The following PROM1 variants were observed in gnomAD, a reference collection of about 807,000 sequenced individuals.
PROM1 encodes prominin 1, also known as prominin-1.
A neutral mutation model predicts 116.9 loss-of-function variants in PROM1; 105 were observed. The ratio of observed to expected loss-of-function variants is 0.90; its 90% CI spans 0.77 to 1.06. The LOEUF is 1.06. PROM1 is among the 50% of genes least tolerant of loss of function. The pLI is 0.00. For synonymous variants in PROM1, 393 were observed against 387.0 expected (o/e 1.02, Z -0.18); for missense variants, 1,122 against 1,045.2 (o/e 1.07, Z -1.01).
At chr4:16,006,436 T>C (rs915611164) in intron 13 of PROM1, 102 bp downstream of exon 13, 167 of 1,350,348 alleles carry the variant, frequency 1.2e-4, no homozygotes, top group Middle Eastern at 2.7e-4. Flanking sequence ...GAACCCCGCG[T>C]ACGTGGCCCA....
rs2149336811 is a variant in PROM1, at chr4:16,024,316, T to G, written c.673A>C (p.Lys225Gln). The change falls in exon 7 of 28, where the codon AAG becomes CAG. Residue 225 changes from lysine to glutamine, a missense_variant. Coordinates refer to ENST00000447510, the MANE Select transcript of PROM1 (RefSeq NM_006017.3). ...ILAQYNTTKDKAFTDLNSINS... is the reference protein window; with the variant it reads ...ILAQYNTTKDQAFTDLNSINS... ...TCACTGTTCAGATCTGTGAACGCCT[T>G]GTCCTTGGTAGTGTTGTACTGGGCC... 1 of 1,613,724 alleles carries G rather than the reference T, an allele frequency of 6.2e-7. No homozygotes were observed. The highest frequency in any genetic ancestry group is 8.5e-7 in the Non-Finnish European group (1 of 1,179,718).
rs1239478035 is a variant in PROM1, at chr4:16,016,163, T to A, written c.1077+3A>T. 7.1e-6 allele frequency: 11 copies of A among 1,552,148 alleles called. No homozygotes were observed. In the Admixed American group the frequency reaches 7.8e-5, roughly 11 times the overall value. ...AGTGATTGTATTTTTTCCAAAAGCA[T>A]ACCTGTTGGACCAGGCCATCCAAAT... On this transcript the variant is annotated splice_donor_region_variant and intron_variant, in intron 10 of 27. Transcript: ENST00000447510.
At chr4:15,970,197 A>C in intron 27 of PROM1, among the ~76,000 whole-genome samples, 3 of 140,144 alleles carry the variant, frequency 2.1e-5, no homozygotes, top group South Asian at 2.3e-4. Context: ...ATGGAGTCTC[A>C]CTCTGTTGCC....
chr4:15,979,353 G>A (rs1359992326), intron 26 of PROM1, 42 bp downstream of exon 26: 3 of 1,613,146 alleles, frequency 1.9e-6, no homozygotes, highest in Middle Eastern at 1.7e-4. Flanking sequence ...AGATGAGACG[G>A]TTTATCATAG....
chr4:15,981,520 C>T (rs1440080228), intron 23 of PROM1, among the ~76,000 whole-genome samples: 3 of 151,120 alleles, frequency 2.0e-5, no homozygotes, highest in African/African-American at 4.9e-5. Context: ...TGCAGTGAAC[C>T]GAGATTGCAC....
intron 3 of PROM1, among the ~76,000 whole-genome samples, chr4:16,036,746 C>T (rs1388835249): frequency 2.0e-5 from 3 of 152,192 alleles, no homozygotes; most frequent in South Asian, 2.1e-4. Flanking sequence ...TCAGGGGGAA[C>T]CAACCCAACA....
At chr4:15,986,838 T>G (rs1719539857) in intron 20 of PROM1, among the ~76,000 whole-genome samples, 1 of 152,164 alleles carries the variant, frequency 6.6e-6, no homozygotes. Context: ...AGGAGGAACA[T>G]TTAGTTTTAT....
At chr4:16,019,477 C>T (rs1729262194) in intron 8 of PROM1, among the ~76,000 whole-genome samples, 1 of 152,202 alleles carries the variant, frequency 6.6e-6, no homozygotes, top group African/African-American at 2.4e-5. Context: ...ACAATGTTTT[C>T]AGTTCACCAT....
intron 8 of PROM1, 109 bp downstream of exon 8, chr4:16,023,217 T>C (rs1030681223): frequency 2.6e-5 from 24 of 937,820 alleles, no homozygotes; most frequent in Non-Finnish European, 4.0e-5. Context: ...CCACGGACGG[T>C]GGCTCTCCCC....
At chr4:15,979,496 T>A (rs748786197) in intron 25 of PROM1, 33 bp from the exon 26 acceptor site, 1 of 1,586,830 alleles carries the variant, frequency 6.3e-7, no homozygotes, top group Non-Finnish European at 8.6e-7. Context: ...AAAAACACCA[T>A]GTTATCTCTA....
intron 2 of PROM1, among the ~76,000 whole-genome samples, chr4:16,069,136 G>T (rs893925859): frequency 4.1e-4 from 62 of 152,324 alleles, no homozygotes; most frequent in African/African-American, 1.5e-3. Context: ...GCGGGAGGCT[G>T]AGGCAGGAGA....
At chr4:16,011,175 T>C (rs1275142304) in intron 11 of PROM1, among the ~76,000 whole-genome samples, 1 of 152,136 alleles carries the variant, frequency 6.6e-6, no homozygotes, top group Non-Finnish European at 1.5e-5. Context: ...TCTCTTGGCA[T>C]ATACCCTCTT....
At chr4:16,033,902 C>T (rs1733374254) in intron 4 of PROM1, among the ~76,000 whole-genome samples, 1 of 147,158 alleles carries the variant, frequency 6.8e-6, no homozygotes, top group East Asian at 2.0e-4. Context: ...TGAATGTGTA[C>T]ATATATATAT....
At chr4:15,969,915 T>G (rs1381312171) in intron 27 of PROM1, among the ~76,000 whole-genome samples, 3 of 152,098 alleles carry the variant, frequency 2.0e-5, no homozygotes, top group Admixed American at 6.5e-5. Context: ...AGGTACGTGG[T>G]TGGTACACAG....
chr4:16,034,377 T>C (rs1733521777), intron 4 of PROM1, among the ~76,000 whole-genome samples: 1 of 152,150 alleles, frequency 6.6e-6, no homozygotes, highest in Admixed American at 6.6e-5. Flanking sequence ...AGATAACGCA[T>C]GATTAGAAAT....
intron 2 of PROM1, among the ~76,000 whole-genome samples, chr4:16,047,222 TGA>T (rs966122392): frequency 6.6e-6 from 1 of 151,928 alleles, no homozygotes; most frequent in South Asian, 2.1e-4. Flanking sequence ...TCTTTTTTTT[TGA>T]GAGAGAGAGA....
intron 2 of PROM1, among the ~76,000 whole-genome samples, chr4:16,039,389 C>T (rs1734658148): frequency 6.6e-6 from 1 of 152,104 alleles, no homozygotes; most frequent in Admixed American, 6.5e-5. Flanking sequence ...TCAATAATTC[C>T]ACATTTGCCT....
At chr4:16,024,400 C>G in intron 6 of PROM1, 42 bp from the exon 7 acceptor site, 1 of 1,532,602 alleles carries the variant, frequency 6.5e-7, no homozygotes, top group African/African-American at 1.4e-5. Flanking sequence ...TTCTAAGGTC[C>G]AAAGGCAATA....
At chr4:16,083,843 C>G (rs1026954464) in intron 1 of PROM1, 135 bp downstream of exon 1, 8 of 152,212 alleles carry the variant, frequency 5.3e-5, no homozygotes, top group Non-Finnish European at 8.8e-5. Flanking sequence ...GGCGCTGCGG[C>G]CGGACCCTCG....
Sources: allele counts gnomAD v4.1 joint callset (sites outside exome capture counted in the v4.1 genomes callset), GRCh38; gene constraint gnomAD v4.1.1; transcripts MANE v1.5; gene names NCBI Gene and HGNC (gene_info 2026-07-23, HGNC 2026-07-21).